Variants in PTH1R observed in about 807,000 individuals in gnomAD.
The protein encoded by PTH1R is parathyroid hormone 1 receptor.
A neutral mutation model predicts 70.7 loss-of-function variants in PTH1R; 32 were observed. The ratio of observed to expected loss-of-function variants is 0.45; its 90% confidence interval spans 0.34 to 0.61. PTH1R has a LOEUF of 0.61. Ranked by LOEUF, PTH1R falls within the 20% of genes least tolerant of loss-of-function variation. The pLI is 0.01. For synonymous variants in PTH1R, 329 were observed against 324.8 expected, an observed-to-expected ratio of 1.01 and a Z score of -0.14; for missense variants, 626 against 792.5, an observed-to-expected ratio of 0.79 and a Z score of 2.52.
rs917981665 is a variant in PTH1R at position 46,892,272 on chromosome 3, C to T, written c.76-1635C>T. On this transcript the variant is annotated intron_variant, in intron 3 of 15. Coordinates refer to ENST00000449590, the MANE Select transcript of PTH1R (RefSeq NM_000316.3). The surrounding 1 kb of genome is among the most constrained non-coding windows in gnomAD (Gnocchi z 5.2). ...ACCAGAAGCACGGGCCACCCACAGA[C>T]GCAAAGGCTAAGGAGCTGCCGCCTC... Among the ~76,000 whole-genome samples the T allele has an allele frequency of 6.6e-6, 1 of 152,208 alleles. No homozygotes were observed.
Position 46,893,130 on chromosome 3 carries a change from C to T in PTH1R, c.76-777C>T, listed in dbSNP as rs2031532215. On this transcript the variant is annotated intron_variant, in intron 3 of 15. Coordinates refer to ENST00000449590, the MANE Select transcript of PTH1R (RefSeq NM_000316.3). This position sits in a 1 kb window ranked among gnomAD's most constrained non-coding sequence, Gnocchi z 5.2. ...GTCCCGGTGGGTGGCAGCCAGGGCC[C>T]AGGGTGTGCAGGTTGGAGGGAAGGG... 6.6e-6 allele frequency among the ~76,000 whole-genome samples: 1 copy of T among 152,026 alleles called. No individual in the cohort carries two copies. The highest frequency in any genetic ancestry group is 1.5e-5 in the Non-Finnish European group (1 of 67,988).
At position 46,896,603 on chromosome 3, in the gene PTH1R, C is replaced by A. The variant is rs1170765769; in HGVS notation, c.313+734C>A. 6.6e-6 allele frequency among the ~76,000 whole-genome samples: 1 copy of A among 152,148 alleles called. No homozygotes were observed. The highest frequency in any genetic ancestry group is 1.5e-5 in the Non-Finnish European group (1 of 68,008). On this transcript the variant is annotated intron_variant, in intron 5 of 15. Coordinates refer to ENST00000449590, the MANE Select transcript of PTH1R (RefSeq NM_000316.3). This position sits in a 1 kb window ranked among gnomAD's most constrained non-coding sequence, Gnocchi z 4.1. Reference sequence around the variant, plus strand: ...GAATTGTGGGCCTGGCTGGGTGGGGCTGGGAATATGGCGCCCAGGACAGAG... The same window carrying A: ...GAATTGTGGGCCTGGCTGGGTGGGGATGGGAATATGGCGCCCAGGACAGAG...
chr3:46,901,221 CAGG>C lies in PTH1R; in HGVS notation c.1049+139_1049+141del. 1 of 1,317,722 alleles carries C rather than the reference CAGG, an allele frequency of 7.6e-7. No individual in the cohort carries two copies. Among genetic ancestry groups the C allele is most frequent in the Non-Finnish European group, 1.1e-6 (1 of 939,978 alleles). The allele number at this position is 1,317,722 out of a possible 1,614,324, so 81.6% of individuals were successfully genotyped here. On this transcript the variant is annotated intron_variant, in intron 11 of 15. Transcript: ENST00000449590. This position sits in a 1 kb window ranked among gnomAD's most constrained non-coding sequence, Gnocchi z 7.3. Reference sequence around the variant, plus strand: ...AGGAGTTCTCAGTCCAGCCTCAAGCCAGGAGCACCCTCAGGGTCACAGGAGGCT... The same window carrying C: ...AGGAGTTCTCAGTCCAGCCTCAAGCCAGCACCCTCAGGGTCACAGGAGGCT...
In PTH1R at chr3:46,902,842, G is replaced by A. The variant is rs746471136; in HGVS notation, c.1395+52G>A. On this transcript the variant is annotated intron_variant, in intron 15 of 15. Transcript: ENST00000449590. This position sits in a 1 kb window ranked among gnomAD's most constrained non-coding sequence, Gnocchi z 5.4. ...GGCAGGGTGGGGCAGATACCCCAGA[G>A]GCTTCCTCAAGGCTCATTTCTCCAT... is the stretch of plus-strand genomic sequence containing the variant. 6.2e-7 allele frequency: 1 copy of A among 1,606,876 alleles called. No individual in the cohort carries two copies. The highest frequency in any genetic ancestry group is 8.5e-7 in the Non-Finnish European group (1 of 1,174,764).
In PTH1R at chr3:46,902,080, C is replaced by T. The variant is rs2032160797; in HGVS notation, c.1211+220C>T. Among the ~76,000 whole-genome samples, 1 of 152,220 alleles carries T rather than the reference C, an allele frequency of 6.6e-6. No homozygotes were observed. Among genetic ancestry groups the T allele is most frequent in the South Asian group, 2.1e-4 (1 of 4,838 alleles). On this transcript the variant is annotated intron_variant, in intron 13 of 15. Coordinates refer to ENST00000449590, the MANE Select transcript of PTH1R (RefSeq NM_000316.3). This position sits in a 1 kb window ranked among gnomAD's most constrained non-coding sequence, Gnocchi z 5.4. The stretch of plus-strand genomic sequence containing the variant: ...GCCTGCCCACTTGTACCAGGCCCTG[C>T]ACTAGAGCTGGAGTCTGTGAGTGTG...
rs936182 is a variant in PTH1R at position 46,902,467 on chromosome 3, C to G, written c.1212-59C>G. ...CTGGGGCTCGCAGGGTGGGGGGTGG[C>G]ACAATGCTTGTTGAAGGGGAAGTGG... On this transcript the variant is annotated intron_variant, in intron 13 of 15. Coordinates refer to ENST00000449590, the MANE Select transcript of PTH1R (RefSeq NM_000316.3). The surrounding 1 kb of genome is among the most constrained non-coding windows in gnomAD (Gnocchi z 5.4). The G allele has an allele frequency of 1.3e-6, 2 of 1,595,354 alleles. No homozygotes were observed. The highest frequency in any genetic ancestry group is 2.7e-5 in the African/African-American group (2 of 74,404).
In PTH1R at chr3:46,902,529, G is replaced by A. The variant is rs770484565; in HGVS notation, c.1215G>A (p.Lys405=). 1.2e-6 allele frequency: 2 copies of A among 1,611,288 alleles called. No individual in the cohort carries two copies. The highest frequency in any genetic ancestry group is 1.7e-6 in the Non-Finnish European group (2 of 1,179,418). The change falls in exon 14 of 16, where the codon AAG becomes AAA. Residue 405 remains lysine, a synonymous_variant. Coordinates refer to ENST00000449590, the MANE Select transcript of PTH1R (RefSeq NM_000316.3). This position sits in a 1 kb window ranked among gnomAD's most constrained non-coding sequence, Gnocchi z 5.4. The part of the protein sequence containing the change: ...GRCDTRQQYR[K]LLKSTLVLMP... ...CCTACCTGCCCCGCTGGCCCAGGAAGCTGCTCAAATCCACGCTGGTGCTCA... is the reference window on the plus strand; with the variant it reads ...CCTACCTGCCCCGCTGGCCCAGGAAACTGCTCAAATCCACGCTGGTGCTCA...
chr3:46,899,532 G>A, intron 10 of PTH1R, 76 bp downstream of exon 10: 1 of 1,549,046 alleles, frequency 6.5e-7, no homozygotes. Context: ...AGCCCCTGGG[G>A]GGAGGCGCCC....
At chr3:46,894,782 A>AG (rs1183497943) in intron 4 of PTH1R, among the ~76,000 whole-genome samples, 1 of 152,100 alleles carries the variant, frequency 6.6e-6, no homozygotes, top group Non-Finnish European at 1.5e-5. Flanking sequence ...TGTAAGGACC[A>AG]GGGGGGCCTA....
Position 46,903,653 on chromosome 3 carries a change from G to C in PTH1R, c.1779G>C (p.Met593Ile). Reference sequence around the variant, plus strand: ...TACAGGAAGAGTGGGAGACAGTCATGTGACCAGGCGCTGGGGGCTGGACCT... The same window carrying C: ...TACAGGAAGAGTGGGAGACAGTCATCTGACCAGGCGCTGGGGGCTGGACCT... ...ALLQEEWETV[M>I] The change falls in exon 16 of 16, where the codon ATG (methionine) becomes ATC (isoleucine). Residue 593 changes from methionine (M) to isoleucine (I), a missense_variant. Met to Ile is a conservative substitution (Grantham distance 10). Transcript: ENST00000449590. This position sits in a 1 kb window ranked among gnomAD's most constrained non-coding sequence, Gnocchi z 4.4. The C allele has an allele frequency of 6.2e-7, 1 of 1,608,332 alleles. No homozygotes were observed. The highest frequency in any genetic ancestry group is 8.5e-7 in the Non-Finnish European group (1 of 1,180,006).
At chr3:46,880,441 T>C (rs2030481295) in intron 1 of PTH1R, among the ~76,000 whole-genome samples, 1 of 152,060 alleles carries the variant, frequency 6.6e-6, no homozygotes, top group Non-Finnish European at 1.5e-5. Flanking sequence ...GAGGCAGCCA[T>C]AGAAATGCAT....
chr3:46,891,163 T>C lies in PTH1R; in HGVS notation c.76-2744T>C, dbSNP rs1450662823. On this transcript the variant is annotated intron_variant, in intron 3 of 15. Coordinates refer to ENST00000449590, the MANE Select transcript of PTH1R (RefSeq NM_000316.3). The surrounding 1 kb of genome is among the most constrained non-coding windows in gnomAD (Gnocchi z 4.3). ...GCCAGAGGTGGGGCCACCACCCCTA[T>C]GGATGAATGAAGGAGTGTGGGAGTC... 6.6e-6 allele frequency among the ~76,000 whole-genome samples: 1 copy of C among 152,258 alleles called. No homozygotes were observed. The highest frequency in any genetic ancestry group is 1.5e-5 in the Non-Finnish European group (1 of 68,040).
At position 46,902,513 on chromosome 3, in the gene PTH1R, C is replaced by T; in HGVS notation, c.1212-13C>T. On this transcript the variant is annotated splice_polypyrimidine_tract_variant and intron_variant, in intron 13 of 15. Coordinates refer to ENST00000449590, the MANE Select transcript of PTH1R (RefSeq NM_000316.3). This position sits in a 1 kb window ranked among gnomAD's most constrained non-coding sequence, Gnocchi z 5.4. ...AGTGGCTTGGCCCTGACCTACCTGCCCCGCTGGCCCAGGAAGCTGCTCAAA... is the reference window on the plus strand; with the variant it reads ...AGTGGCTTGGCCCTGACCTACCTGCTCCGCTGGCCCAGGAAGCTGCTCAAA... 1 of 1,609,370 alleles carries T rather than the reference C, an allele frequency of 6.2e-7. No homozygotes were observed. The highest frequency in any genetic ancestry group is 8.5e-7 in the Non-Finnish European group (1 of 1,178,750).
Position 46,901,873 on chromosome 3 carries a change from T to C in PTH1R, c.1211+13T>C, listed in dbSNP as rs2107059968. ...GGCAGCAGTACCGGTGAGCCCACCA[T>C]GCCTGCCATGCCCTGGCTCCTCAGG... On this transcript the variant is annotated intron_variant, in intron 13 of 15. Coordinates refer to ENST00000449590, the MANE Select transcript of PTH1R (RefSeq NM_000316.3). This position sits in a 1 kb window ranked among gnomAD's most constrained non-coding sequence, Gnocchi z 7.3. 1 of 1,607,106 alleles carries C rather than the reference T, an allele frequency of 6.2e-7. No homozygotes were observed. The highest frequency in any genetic ancestry group is 8.5e-7 in the Non-Finnish European group (1 of 1,174,008).
Position 46,879,828 on chromosome 3 carries a change from C to A in PTH1R, c.-105-1234C>A, listed in dbSNP as rs7629481. On this transcript the variant is annotated intron_variant, in intron 1 of 15. Coordinates refer to ENST00000449590, the MANE Select transcript of PTH1R (RefSeq NM_000316.3). This position sits in a 1 kb window ranked among gnomAD's most constrained non-coding sequence, Gnocchi z 4.7. ...AGGCCGAGACAGGATCACTTGAGGC[C>A]AGGAGTTTGAAACCAGCCTGGCCAA... Among the ~76,000 whole-genome samples, 2,611 of 152,192 alleles carry A rather than the reference C, an allele frequency of 0.017. 73 individuals are homozygous for A. Among genetic ancestry groups the A allele is most frequent in the African/African-American group, 0.058 (2,405 of 41,486 alleles).
chr3:46,901,389 G>A lies in PTH1R; in HGVS notation c.1050-25G>A. The A allele has an allele frequency of 6.4e-7, 1 of 1,557,896 alleles. No individual in the cohort carries two copies. Among genetic ancestry groups the A allele is most frequent in the Non-Finnish European group, 8.7e-7 (1 of 1,150,246 alleles). ...CTTAGGATGGGAACAGGAGGGATGGGAGCTAATGCCTCAACCTCCCCCAGG... is the reference window on the plus strand; with the variant it reads ...CTTAGGATGGGAACAGGAGGGATGGAAGCTAATGCCTCAACCTCCCCCAGG... On this transcript the variant is annotated intron_variant, in intron 11 of 15. Transcript: ENST00000449590. The surrounding 1 kb of genome is among the most constrained non-coding windows in gnomAD (Gnocchi z 7.3).
Position 46,891,501 on chromosome 3 carries a change from C to T in PTH1R, c.76-2406C>T, listed in dbSNP as rs2031413327. ...CAAGTCTCTAAGGATGTGTGGGAGCCTCCGTCAGTCACTCCAGAGCTCTCC... is the reference window on the plus strand; with the variant it reads ...CAAGTCTCTAAGGATGTGTGGGAGCTTCCGTCAGTCACTCCAGAGCTCTCC... On this transcript the variant is annotated intron_variant, in intron 3 of 15. Transcript: ENST00000449590. This position sits in a 1 kb window ranked among gnomAD's most constrained non-coding sequence, Gnocchi z 4.3. Among the ~76,000 whole-genome samples, 1 of 152,194 alleles carries T rather than the reference C, an allele frequency of 6.6e-6. No individual in the cohort carries two copies. The highest frequency in any genetic ancestry group is 2.4e-5 in the African/African-American group (1 of 41,428).
intron 6 of PTH1R, 42 bp from the exon 7 acceptor site, chr3:46,898,032 T>C: frequency 6.2e-7 from 1 of 1,613,004 alleles, no homozygotes. Flanking sequence ...GTTCAGTGCC[T>C]CGAGACCTCC....
At position 46,883,767 on chromosome 3, in the gene PTH1R, G is replaced by C; in HGVS notation, c.75+133G>C. On this transcript the variant is annotated intron_variant, in intron 3 of 15. Transcript: ENST00000449590. This position sits in a 1 kb window ranked among gnomAD's most constrained non-coding sequence, Gnocchi z 6.4. ...TGGGTGAGAGTCCCCTCTGATCCAG[G>C]ATCCTGGGTGCCTGCTGTCTCTGGG... 9.8e-7 allele frequency: 1 copy of C among 1,017,394 alleles called. No individual in the cohort carries two copies. The highest frequency in any genetic ancestry group is 1.4e-6 in the Non-Finnish European group (1 of 689,834). The allele number at this position is 1,017,394 out of a possible 1,614,324, so 63.0% of individuals were successfully genotyped here. A position where few individuals can be genotyped will look rare whatever the true frequency, so the allele number is the denominator to read the frequency against.
Sources: gnomAD v4.1 joint callset for allele counts (sites outside exome capture counted in the v4.1 genomes callset) on GRCh38, gnomAD v4.1.1 for gene constraint, Gnocchi (gnomAD v3.1) non-coding constraint, MANE v1.5 for transcripts, NCBI Gene and HGNC (gene_info 2026-07-23, HGNC 2026-07-21) for gene names.